The following CEP112 variants were observed in gnomAD, a reference collection of about 807,000 sequenced individuals.
CEP112 encodes the protein centrosomal protein 112, also known as centrosomal protein of 112 kDa.
Under a neutral mutation model 153.0 loss-of-function variants are expected in CEP112, and 127 were observed. That is an observed-to-expected ratio of 0.83 (90% CI 0.72 to 0.96). The LOEUF (loss-of-function observed/expected upper bound fraction) is 0.96, where lower values mean the gene tolerates loss of function less well. Ranked by LOEUF, CEP112 falls within the 40% of genes least tolerant of loss-of-function variation. The pLI is 0.00. For missense variants in CEP112, 1,089 were observed against 1,101.2 expected (o/e 0.99, Z 0.16); for synonymous variants, 358 against 374.4 (o/e 0.96, Z 0.51).
chr17:65,834,782 G>T (rs1051856747), intron 21 of CEP112, among the ~76,000 whole-genome samples: 1 of 152,118 alleles, frequency 6.6e-6, no homozygotes, highest in South Asian at 2.1e-4. Flanking sequence ...GTGGAAGGCA[G>T]TATGGCCATT....
At chr17:65,962,885 A>C (rs1279131054) in intron 17 of CEP112, among the ~76,000 whole-genome samples, 4 of 152,234 alleles carry the variant, frequency 2.6e-5, no homozygotes, top group Non-Finnish European at 5.9e-5. Flanking sequence ...TAAGTCCATT[A>C]AACCTCTTTT....
At chr17:65,818,835 C>A (rs901649996) in intron 21 of CEP112, among the ~76,000 whole-genome samples, 8 of 151,938 alleles carry the variant, frequency 5.3e-5, no homozygotes, top group Non-Finnish European at 1.2e-4. Flanking sequence ...TCTTAAAGAA[C>A]TTCTGGTGTT....
At chr17:65,786,661 A>T (rs759169230) in intron 21 of CEP112, among the ~76,000 whole-genome samples, 38 of 145,242 alleles carry the variant, frequency 2.6e-4, no homozygotes, top group Middle Eastern at 3.7e-3. Flanking sequence ...ATCACAGCTC[A>T]CTGCAGATTT....
At chr17:65,870,592 A>C (rs1439694588) in intron 20 of CEP112, among the ~76,000 whole-genome samples, 1 of 152,220 alleles carries the variant, frequency 6.6e-6, no homozygotes, top group Non-Finnish European at 1.5e-5. Context: ...CACTGAAACA[A>C]AAATACCTTC....
chr17:66,168,483 ATGTG>A (rs779692202), intron 4 of CEP112, among the ~76,000 whole-genome samples: 2 of 141,456 alleles, frequency 1.4e-5, no homozygotes, highest in African/African-American at 2.5e-5. Context: ...ATATGTATAT[ATGTG>A]TGTGTGTATA....
chr17:65,867,993 C>T (rs1426359054), intron 20 of CEP112, among the ~76,000 whole-genome samples: 3 of 151,568 alleles, frequency 2.0e-5, no homozygotes, highest in Admixed American at 1.3e-4. Flanking sequence ...TTATTTATAA[C>T]ATAAAATCGA....
intron 12 of CEP112, among the ~76,000 whole-genome samples, chr17:66,053,148 AAGTC>A (rs749880090): frequency 1.3e-5 from 2 of 151,792 alleles, no homozygotes; most frequent in Admixed American, 6.6e-5. Context: ...TCTGAACTGA[AAGTC>A]AATGGAAAAA....
In CEP112 at chr17:66,189,570, T is replaced by C. The variant is rs564735938; in HGVS notation, c.-9+2427A>G. On this transcript the variant is annotated intron_variant, in intron 1 of 26. Coordinates refer to ENST00000535342, the MANE Select transcript of CEP112 (RefSeq NM_001199165.4). ...GGAATTGCTATATTGACATGCAATA[T>C]TGAAGTATACATTTAAAAAAAAAAC... Among the ~76,000 whole-genome samples the C allele has an allele frequency of 9.9e-5, 15 of 151,142 alleles. No individual in the cohort carries two copies. The South Asian group carries it at 3.1e-3, about 32-fold the overall frequency.
chr17:65,734,080 G>A (rs1326114465), intron 23 of CEP112, among the ~76,000 whole-genome samples: 1 of 152,232 alleles, frequency 6.6e-6, no homozygotes, highest in Non-Finnish European at 1.5e-5. Flanking sequence ...TGCAGATACA[G>A]CACAAGCACC....
intron 4 of CEP112, among the ~76,000 whole-genome samples, chr17:66,161,495 T>C (rs1475421673): frequency 6.6e-6 from 1 of 152,040 alleles, no homozygotes; most frequent in African/African-American, 2.4e-5. Context: ...TGGAATACTA[T>C]GCAGCCATAA....
intron 2 of CEP112, among the ~76,000 whole-genome samples, chr17:66,181,244 T>C (rs2072707595): frequency 6.6e-6 from 1 of 152,216 alleles, no homozygotes; most frequent in Non-Finnish European, 1.5e-5. Flanking sequence ...GAGTTTCAGA[T>C]TGCTTATTAT....
chr17:65,786,217 G>A (rs1262709919), intron 21 of CEP112, among the ~76,000 whole-genome samples: 1 of 151,646 alleles, frequency 6.6e-6, no homozygotes, highest in Non-Finnish European at 1.5e-5. Context: ...TTATCAGATT[G>A]TTTACTCCTA....
At chr17:65,918,893 T>G (rs1326702368) in intron 19 of CEP112, among the ~76,000 whole-genome samples, 1 of 152,208 alleles carries the variant, frequency 6.6e-6, no homozygotes, top group Non-Finnish European at 1.5e-5. Flanking sequence ...TTCATTACAG[T>G]TCCTGGCACG....
intron 21 of CEP112, among the ~76,000 whole-genome samples, chr17:65,847,925 G>C (rs1405512543): frequency 1.3e-5 from 2 of 152,108 alleles, no homozygotes; most frequent in East Asian, 3.9e-4. Flanking sequence ...CCTGGAGGCA[G>C]GGGAGAGTGT....
chr17:66,066,216 C>G (rs1024780308), intron 10 of CEP112, among the ~76,000 whole-genome samples: 2 of 152,140 alleles, frequency 1.3e-5, no homozygotes, highest in African/African-American at 4.8e-5. Context: ...GCCGGACTTT[C>G]CATCTGTCCA....
rs1235616741 is a variant in CEP112, at chr17:66,075,055, A to C, written c.769-5054T>G. Reference sequence around the variant, plus strand: ...ATCACCAGTAGAACTGCACTAAAACAAATAGTAAAAGGTATTCTTAAAGAT... The same window carrying C: ...ATCACCAGTAGAACTGCACTAAAACCAATAGTAAAAGGTATTCTTAAAGAT... On this transcript the variant is annotated intron_variant, in intron 8 of 26. Coordinates refer to ENST00000535342, the MANE Select transcript of CEP112 (RefSeq NM_001199165.4). Among the ~76,000 whole-genome samples the C allele has an allele frequency of 2.0e-5, 3 of 152,152 alleles. No individual in the cohort carries two copies. The East Asian group carries it at 5.8e-4, about 29-fold the overall frequency.
At chr17:66,095,992 T>C (rs1273723181) in intron 8 of CEP112, among the ~76,000 whole-genome samples, 1 of 152,108 alleles carries the variant, frequency 6.6e-6, no homozygotes, top group Non-Finnish European at 1.5e-5. Flanking sequence ...GTGGGAGGAC[T>C]GCTTGATCCC....
intron 23 of CEP112, among the ~76,000 whole-genome samples, chr17:65,738,815 G>A (rs2050954096): frequency 6.6e-6 from 1 of 152,164 alleles, no homozygotes; most frequent in Non-Finnish European, 1.5e-5. Flanking sequence ...GTATAGTTGA[G>A]GAATAAATGG....
At chr17:66,163,285 A>G (rs926515367) in intron 4 of CEP112, among the ~76,000 whole-genome samples, 9 of 152,308 alleles carry the variant, frequency 5.9e-5, no homozygotes, top group African/African-American at 1.9e-4. Context: ...TTTTAAGAGT[A>G]ATACAACTAC....
Sources: allele counts gnomAD v4.1 joint callset (sites outside exome capture counted in the v4.1 genomes callset), GRCh38; gene constraint gnomAD v4.1.1; transcripts MANE v1.5; gene names NCBI Gene and HGNC (gene_info 2026-07-23, HGNC 2026-07-21).